The following NIBAN1 variants were observed in gnomAD, a reference collection of about 807,000 sequenced individuals.
NIBAN1 encodes the protein protein Niban 1.
In NIBAN1, 81 loss-of-function variants were observed where a neutral mutation model predicts 75.1. The observed-to-expected ratio is 1.08, with a 90% confidence interval of 0.90 to 1.30. The LOEUF is 1.30. Ranked by LOEUF, NIBAN1 falls within the 50% of genes most tolerant of loss-of-function variation. NIBAN1 has a pLI of 0.00. For synonymous variants in NIBAN1, 436 were observed against 424.8 expected (o/e 1.03, Z -0.32); for missense variants, 1,133 against 1,128.1 (o/e 1.00, Z -0.06).
intron 12 of NIBAN1, among the ~76,000 whole-genome samples, chr1:184,802,594 A>G (rs574129133): frequency 6.5e-4 from 99 of 152,210 alleles, no homozygotes; most frequent in Non-Finnish European, 1.2e-3. Context: ...GTGAAGGAAA[A>G]CAGCACTTAC....
intron 3 of NIBAN1, among the ~76,000 whole-genome samples, chr1:184,893,180 T>C (rs1328350289): frequency 6.6e-6 from 1 of 152,210 alleles, no homozygotes; most frequent in Non-Finnish European, 1.5e-5. Flanking sequence ...TGAGGGTCTA[T>C]GCAGACTAAA....
At chr1:184,918,947 G>A (rs2102015843) in intron 1 of NIBAN1, among the ~76,000 whole-genome samples, 1 of 152,204 alleles carries the variant, frequency 6.6e-6, no homozygotes, top group East Asian at 1.9e-4. Context: ...AATGCACATG[G>A]AAAATTAATT....
At position 184,961,989 on chromosome 1, in the gene NIBAN1, A is replaced by G. The variant is rs568473102; in HGVS notation, c.55+12313T>C. Among the ~76,000 whole-genome samples the G allele has an allele frequency of 1.6e-4, 25 of 152,356 alleles. No homozygotes were observed. The South Asian group carries it at 5.2e-3, about 32-fold the overall frequency. On this transcript the variant is annotated intron_variant, in intron 1 of 13. Coordinates refer to ENST00000367511, the MANE Select transcript of NIBAN1 (RefSeq NM_052966.4). ...TTTGGTGATATCACTGAGCCACTTA[A>G]TTAATCCTATCTTCATACTTCTTTG... is the stretch of plus-strand genomic sequence containing the variant.
intron 5 of NIBAN1, among the ~76,000 whole-genome samples, chr1:184,875,261 A>T (rs1199960088): frequency 6.6e-6 from 1 of 152,138 alleles, no homozygotes; most frequent in African/African-American, 2.4e-5. Context: ...ATTACCCCTA[A>T]AGTTAGTGGC....
At chr1:184,809,761 A>G (rs970590006) in intron 9 of NIBAN1, among the ~76,000 whole-genome samples, 2 of 152,076 alleles carry the variant, frequency 1.3e-5, no homozygotes, top group African/African-American at 4.8e-5. Context: ...AGATGAATGA[A>G]TAAATCATGG....
chr1:184,874,501 T>C (rs2102292010), intron 5 of NIBAN1, among the ~76,000 whole-genome samples: 1 of 152,148 alleles, frequency 6.6e-6, no homozygotes, highest in African/African-American at 2.4e-5. Flanking sequence ...ATGTGCCATT[T>C]CATAATGATA....
chr1:184,884,555 A>G (rs1656460972), intron 5 of NIBAN1, 78 bp downstream of exon 5: 1 of 1,562,244 alleles, frequency 6.4e-7, no homozygotes, highest in South Asian at 1.2e-5. Flanking sequence ...AATCACTGCA[A>G]TAGATGATGG....
intron 1 of NIBAN1, among the ~76,000 whole-genome samples, chr1:184,953,100 C>T (rs181484505): frequency 6.6e-6 from 1 of 152,264 alleles, no homozygotes; most frequent in Non-Finnish European, 1.5e-5. Flanking sequence ...GTGATAAAAC[C>T]AGTTGTTGAG....
At chr1:184,959,188 C>G (rs1270437598) in intron 1 of NIBAN1, among the ~76,000 whole-genome samples, 3 of 147,820 alleles carry the variant, frequency 2.0e-5, no homozygotes, top group African/African-American at 7.6e-5. Flanking sequence ...AGACCAGCCA[C>G]ATCTCAGCAG....
At position 184,798,313 on chromosome 1, in the gene NIBAN1, T is replaced by G. The variant is rs142625290; in HGVS notation, c.1555-123A>C. ...CTTGGAGGGCATAAGAGAAGGACCATGTTGGCCCAGGGGCAAATTACTCAA... is the reference window on the plus strand; with the variant it reads ...CTTGGAGGGCATAAGAGAAGGACCAGGTTGGCCCAGGGGCAAATTACTCAA... On this transcript the variant is annotated intron_variant, in intron 12 of 13. Coordinates refer to ENST00000367511, the MANE Select transcript of NIBAN1 (RefSeq NM_052966.4). The G allele has an allele frequency of 6.3e-5, 37 of 583,922 alleles. No individual in the cohort carries two copies. The East Asian group carries it at 1.0e-3, about 16-fold the overall frequency. 36.2% of individuals were successfully genotyped at this position (583,922 alleles called of 1,614,324 possible).
At position 184,798,118 on chromosome 1, in the gene NIBAN1, C is replaced by T; in HGVS notation, c.1627G>A (p.Glu543Lys). Residue 543 changes from glutamate to lysine, a missense_variant, in exon 13 of 14, where the codon GAG becomes AAG. Coordinates refer to ENST00000367511, the MANE Select transcript of NIBAN1 (RefSeq NM_052966.4). ...TCAAGCAGGATCTGATGTAAAATCT[C>T]CTCATAGACATTTTCAACGTGAATC... ...NMIHVENVYE[E>K]ILHQILLDET... 1 of 1,611,984 alleles carries T rather than the reference C, an allele frequency of 6.2e-7. No homozygotes were observed. The highest frequency in any genetic ancestry group is 8.5e-7 in the Non-Finnish European group (1 of 1,178,490).
intron 4 of NIBAN1, among the ~76,000 whole-genome samples, chr1:184,889,429 A>T (rs1656610643): frequency 6.6e-6 from 1 of 152,256 alleles, no homozygotes; most frequent in South Asian, 2.1e-4. Context: ...TAGATATGCA[A>T]ATTAATGCAA....
rs1258657070 is a variant in NIBAN1, at chr1:184,933,246, T to C, written c.56-33937A>G. ...CAAAGTCCAGTTCAACCTTTCAGAA[T>C]CCTGTCCATCCTTTAAGGTCCATTC... On this transcript the variant is annotated intron_variant, in intron 1 of 13. Transcript: ENST00000367511. Among the ~76,000 whole-genome samples the C allele has an allele frequency of 2.0e-5, 3 of 152,188 alleles. No homozygotes were observed. In the South Asian group the frequency reaches 6.2e-4, roughly 31 times the overall value.
intron 2 of NIBAN1, 27 bp downstream of exon 2, chr1:184,899,152 C>T: frequency 1.9e-6 from 3 of 1,612,362 alleles, no homozygotes; most frequent in Non-Finnish European, 2.5e-6. Context: ...AGGGGAAATA[C>T]ATGTAAACCA....
At position 184,818,744 on chromosome 1, in the gene NIBAN1, C is replaced by A. The variant is rs895418270; in HGVS notation, c.1067G>T (p.Gly356Val). 1.1e-5 allele frequency: 18 copies of A among 1,613,258 alleles called. No individual in the cohort carries two copies. Among genetic ancestry groups the A allele is most frequent in the Non-Finnish European group, 1.5e-5 (18 of 1,179,406 alleles). The part of the protein sequence containing the change: ...FLASILEELM[G>V]PVSSGFSEVR... ...TTCACTGAATCCCGAGCTCACTGGT[C>A]CCATGAGCTCCTCCAGGATGGATGC... The change falls in exon 9 of 14, where the codon GGA becomes GTA. Residue 356 changes from glycine to valine, a missense_variant. Coordinates refer to ENST00000367511, the MANE Select transcript of NIBAN1 (RefSeq NM_052966.4).
rs113942854 is a variant in NIBAN1 at position 184,868,780 on chromosome 1, G to A, written c.601+15853C>T. ...GTCAAACACAGGGCACACAGTATGC[G>A]TTTAATAAGTACCTGCTGACTGAGA... On this transcript the variant is annotated intron_variant, in intron 5 of 13. Coordinates refer to ENST00000367511, the MANE Select transcript of NIBAN1 (RefSeq NM_052966.4). 1.3e-3 allele frequency among the ~76,000 whole-genome samples: 197 copies of A among 152,238 alleles called. 1 individual carries two copies. The highest frequency in any genetic ancestry group is 4.3e-3 in the African/African-American group (180 of 41,538).
At chr1:184,820,574 C>T (rs1338192133) in intron 8 of NIBAN1, among the ~76,000 whole-genome samples, 2 of 152,220 alleles carry the variant, frequency 1.3e-5, no homozygotes, top group Non-Finnish European at 2.9e-5. Context: ...GGATAAGTTC[C>T]ATGTCCCATT....
At chr1:184,827,474 A>G (rs552831499) in intron 6 of NIBAN1, among the ~76,000 whole-genome samples, 1 of 151,862 alleles carries the variant, frequency 6.6e-6, no homozygotes, top group Non-Finnish European at 1.5e-5. Flanking sequence ...TAATAAATAA[A>G]TTGTAATAAT....
intron 5 of NIBAN1, among the ~76,000 whole-genome samples, chr1:184,855,416 T>C (rs1390852255): frequency 6.6e-6 from 1 of 152,202 alleles, no homozygotes; most frequent in Non-Finnish European, 1.5e-5. Context: ...CAATTATTGC[T>C]AGTATTCCTT....
Sources: allele counts gnomAD v4.1 joint callset (sites outside exome capture counted in the v4.1 genomes callset), GRCh38; gene constraint gnomAD v4.1.1; transcripts MANE v1.5; gene names NCBI Gene and HGNC (gene_info 2026-07-23, HGNC 2026-07-21).